Variants in EXOSC4 observed in about 807,000 individuals in gnomAD.
EXOSC4 encodes the protein exosome complex component RRP41.
EXOSC4 carries 14 observed loss-of-function variants against 20.0 expected under a neutral mutation model. The ratio of observed to expected loss-of-function variants is 0.70; its 90% CI spans 0.46 to 1.09. The LOEUF (loss-of-function observed/expected upper bound fraction) is 1.09. Ranked by LOEUF, EXOSC4 falls within the 50% of genes least tolerant of loss-of-function variation. EXOSC4 has a pLI of 0.00. For missense variants in EXOSC4, 337 were observed against 334.0 expected (o/e 1.01, Z -0.07); for synonymous variants, 148 against 146.4 (o/e 1.01, Z -0.08).
At chr8:144,079,907 G>A (rs2129924897) in intron 1 of EXOSC4, 36 bp from the exon 2 acceptor site, 3 of 1,597,484 alleles carry the variant, frequency 1.9e-6, no homozygotes, top group Non-Finnish European at 2.6e-6. Flanking sequence ...TGAGCTGGAA[G>A]GAGTGGGCCT....
the EXOSC4 span, among the ~76,000 whole-genome samples, chr8:144,067,136 T>C: frequency 6.6e-6 from 1 of 152,104 alleles, no homozygotes; most frequent in East Asian, 1.9e-4. Flanking sequence ...CAGTCAACTT[T>C]CAACTCACAC....
chr8:144,074,673 C>G (rs564767527), upstream of EXOSC4, among the ~76,000 whole-genome samples: 2 of 152,278 alleles, frequency 1.3e-5, no homozygotes, highest in South Asian at 4.1e-4. Flanking sequence ...TCGGCTCAGG[C>G]CACCCTCCCG....
chr8:144,079,136 C>A, intron 1 of EXOSC4: 1 of 418,382 alleles, frequency 2.4e-6, no homozygotes, highest in Non-Finnish European at 4.2e-6. Context: ...GGCTCTTCAA[C>A]GTGCTAGGCA....
the EXOSC4 span, among the ~76,000 whole-genome samples, chr8:144,066,436 C>CT: frequency 0.016 from 1,568 of 97,916 alleles, 18 homozygotes; most frequent in East Asian, 0.024. Flanking sequence ...GAGTTTTTCT[C>CT]TTTTTTTTTT....
At chr8:144,071,827 A>T in the EXOSC4 span, among the ~76,000 whole-genome samples, 1 of 151,818 alleles carries the variant, frequency 6.6e-6, no homozygotes, top group Non-Finnish European at 1.5e-5. Context: ...AAAACACAAA[A>T]AAATTATCTG....
chr8:144,071,531 T>C, the EXOSC4 span, among the ~76,000 whole-genome samples: 3 of 147,952 alleles, frequency 2.0e-5, no homozygotes, highest in South Asian at 6.4e-4. Flanking sequence ...GATCTCGAAC[T>C]CCTGACCTCC....
the EXOSC4 span, among the ~76,000 whole-genome samples, chr8:144,069,067 G>A: frequency 1.3e-5 from 2 of 152,364 alleles, no homozygotes; most frequent in African/African-American, 2.4e-5. Flanking sequence ...AGGAAAAAGC[G>A]GACAGCTGTG....
In EXOSC4 at chr8:144,080,380, C is replaced by T; in HGVS notation, c.517C>T (p.Leu173Phe). ...GFVDGTALAD[L>F]SHVEEAAGGP... ...CGTGGACGGCACAGCCCTGGCGGAC[C>T]TCAGCCATGTGGAGGAAGCAGCTGG... The change falls in exon 3 of 3, where the codon CTC (leucine) becomes TTC (phenylalanine). Residue 173 changes from leucine to phenylalanine, a missense_variant. Transcript: ENST00000316052. This position sits in a 1 kb window ranked among gnomAD's most constrained non-coding sequence, Gnocchi z 4.9. 6.2e-7 allele frequency: 1 copy of T among 1,612,372 alleles called. No homozygotes were observed. Among genetic ancestry groups the T allele is most frequent in the South Asian group, 1.1e-5 (1 of 91,092 alleles).
the EXOSC4 span, chr8:144,064,067 C>T: frequency 6.6e-6 from 1 of 152,362 alleles, no homozygotes; most frequent in African/African-American, 2.4e-5. Context: ...GGGTCAGGAC[C>T]CAGCTGTTCC....
chr8:144,070,984 A>G, the EXOSC4 span, among the ~76,000 whole-genome samples: 1 of 151,954 alleles, frequency 6.6e-6, no homozygotes, highest in Admixed American at 6.6e-5. Context: ...TCTTAAAAAT[A>G]AGGAGGGAGG....
chr8:144,080,352 C>A lies in EXOSC4; in HGVS notation c.489C>A (p.Gly163=). Residue 163 remains glycine, a synonymous_variant, in exon 3 of 3, where the codon GGC becomes GGA. Transcript: ENST00000316052. The surrounding 1 kb of genome is among the most constrained non-coding windows in gnomAD (Gnocchi z 4.9). The part of the protein sequence containing the change: ...MRDFVCACSA[G]FVDGTALADL... ...ACTTTGTGTGTGCGTGCTCAGCTGG[C>A]TTCGTGGACGGCACAGCCCTGGCGG... is the stretch of plus-strand genomic sequence containing the variant. The A allele has an allele frequency of 1.9e-6, 3 of 1,613,222 alleles. No homozygotes were observed. The highest frequency in any genetic ancestry group is 2.5e-6 in the Non-Finnish European group (3 of 1,180,040).
rs142724505 is a variant in EXOSC4, at chr8:144,080,528, G to A, written c.665G>A (p.Arg222Gln). The A allele has an allele frequency of 2.3e-3, 3,714 of 1,603,216 alleles. 8 individuals are homozygous for A. Among genetic ancestry groups the A allele is most frequent in the Non-Finnish European group, 2.8e-3 (3,247 of 1,179,964 alleles). ...TTGGAGGCTGCTGCCCAGGCTGCCC[G>A]AGATGTGCACACCCTCTTAGATCGA... Reference protein sequence around the residue: ...RVLEAAAQAARDVHTLLDRVV... With the variant: ...RVLEAAAQAAQDVHTLLDRVV... The change falls in exon 3 of 3, where the codon CGA becomes CAA. Residue 222 changes from arginine to glutamine, a missense_variant. By Grantham distance (43) the Arg-to-Gln change is conservative (BLOSUM62 1). Transcript: ENST00000316052. This position sits in a 1 kb window ranked among gnomAD's most constrained non-coding sequence, Gnocchi z 4.9.
At chr8:144,075,229 A>ATTT (rs782139585), upstream of EXOSC4, among the ~76,000 whole-genome samples, 12 of 132,080 alleles carry the variant, frequency 9.1e-5, no homozygotes, top group African/African-American at 2.5e-4. Flanking sequence ...TGTCCAGTTA[A>ATTT]TTTTTTTTTT....
the EXOSC4 span, among the ~76,000 whole-genome samples, chr8:144,072,080 G>C: frequency 1.2e-3 from 178 of 152,336 alleles, 2 homozygotes; most frequent in East Asian, 0.026. Flanking sequence ...TGGGTATTTA[G>C]GGTATTTACG....
upstream of EXOSC4, among the ~76,000 whole-genome samples, chr8:144,076,260 C>G (rs763999696): frequency 4.6e-5 from 7 of 152,220 alleles, no homozygotes; most frequent in Non-Finnish European, 8.8e-5. Context: ...ACGTGGCCAG[C>G]TCACGCCTGA....
the EXOSC4 span, among the ~76,000 whole-genome samples, chr8:144,064,218 C>G: frequency 4.6e-5 from 7 of 152,372 alleles, no homozygotes; most frequent in African/African-American, 1.7e-4. Flanking sequence ...TTCTTTGACC[C>G]GGCCAAGCCC....
chr8:144,070,893 A>C, the EXOSC4 span, among the ~76,000 whole-genome samples: 2 of 151,716 alleles, frequency 1.3e-5, no homozygotes, highest in East Asian at 3.9e-4. Context: ...TGGCTTGGGG[A>C]GGTTAAATAC....
At chr8:144,077,985 C>T (rs1299433273), upstream of EXOSC4, 5 of 152,226 alleles carry the variant, frequency 3.3e-5, no homozygotes, top group African/African-American at 1.2e-4. Flanking sequence ...TAGATAACCC[C>T]AGATTGCAGC....
chr8:144,071,179 T>TC, the EXOSC4 span, among the ~76,000 whole-genome samples: 2 of 12,076 alleles, frequency 1.7e-4, no homozygotes, highest in African/African-American at 7.5e-4. Flanking sequence ...CCCCTCCCCC[T>TC]CCCCTCCCCC....
Sources: gnomAD v4.1 joint callset for allele counts (sites outside exome capture counted in the v4.1 genomes callset) on GRCh38, gnomAD v4.1.1 for gene constraint, Gnocchi (gnomAD v3.1) non-coding constraint, MANE v1.5 for transcripts, NCBI Gene and HGNC (gene_info 2026-07-23, HGNC 2026-07-21) for gene names.